The following GRID2 variants were observed in gnomAD, a reference collection of about 807,000 sequenced individuals.
GRID2 encodes the protein glutamate ionotropic receptor delta type subunit 2.
Under a neutral mutation model 114.8 loss-of-function variants are expected in GRID2, and 33 were observed. The observed-to-expected ratio is 0.29, with a 90% CI of 0.22 to 0.38. The LOEUF is 0.38. GRID2 is among the 10% of genes least tolerant of loss of function. The probability of loss-of-function intolerance (pLI) is 1.00; values close to 1 mark genes in which losing one functional copy is unlikely to be tolerated. For missense variants in GRID2, 1,184 were observed against 1,257.7 expected (o/e 0.94, Z 0.89); for synonymous variants, 505 against 449.9 (o/e 1.12, Z -1.55).
rs146890383 is a variant in GRID2, at chr4:92,423,111, G to A, written c.88+118367G>A. Among the ~76,000 whole-genome samples the A allele has an allele frequency of 1.6e-4, 25 of 152,184 alleles. 1 individual carries two copies. The East Asian group carries it at 3.5e-3, about 21-fold the overall frequency. On this transcript the variant is annotated intron_variant, in intron 1 of 15. Transcript: ENST00000282020. ...AGAGAGTAGATTCTAGCGAGCCAAC[G>A]CGAGAAAAATGGAGTCTACATGAAA...
At chr4:93,329,196 A>G (rs1300399827) in intron 8 of GRID2, among the ~76,000 whole-genome samples, 2 of 152,180 alleles carry the variant, frequency 1.3e-5, no homozygotes, top group Non-Finnish European at 2.9e-5. Context: ...GAAAAACTAC[A>G]GAAGAGTCAA....
chr4:92,342,142 A>G (rs1157162223), intron 1 of GRID2, among the ~76,000 whole-genome samples: 1 of 152,242 alleles, frequency 6.6e-6, no homozygotes. Flanking sequence ...ATTTGGGGAG[A>G]CAAAAAATGC....
intron 8 of GRID2, among the ~76,000 whole-genome samples, chr4:93,347,750 A>T (rs1760385101): frequency 6.6e-6 from 1 of 152,126 alleles, no homozygotes. Context: ...GGTACAATAT[A>T]TTTGTGACTT....
intron 14 of GRID2, among the ~76,000 whole-genome samples, chr4:93,702,055 C>G (rs567343613): frequency 2.0e-5 from 3 of 152,096 alleles, no homozygotes; most frequent in African/African-American, 7.2e-5. Context: ...TTATTCTGTG[C>G]CACATTGGTT....
At position 93,632,008 on chromosome 4, in the gene GRID2, A is replaced by T. The variant is rs186988146; in HGVS notation, c.2360+5573A>T. Among the ~76,000 whole-genome samples, 58 of 152,228 alleles carry T rather than the reference A, an allele frequency of 3.8e-4. 1 individual carries two copies. The highest frequency in any genetic ancestry group is 1.2e-3 in the African/African-American group (51 of 41,548). ...TTCATGTCCCTTTTGGCTGCATAAA[A>T]GTCTTCTTTTGAGAAGTGTCTGTTC... On this transcript the variant is annotated intron_variant, in intron 14 of 15. Coordinates refer to ENST00000282020, the MANE Select transcript of GRID2 (RefSeq NM_001510.4).
chr4:92,618,340 G>C (rs977972886), intron 2 of GRID2, among the ~76,000 whole-genome samples: 8 of 151,474 alleles, frequency 5.3e-5, no homozygotes, highest in Non-Finnish European at 1.0e-4. Flanking sequence ...TTAATTTCTG[G>C]GTTCTCTTTT....
At chr4:92,336,066 T>C (rs1333249790) in intron 1 of GRID2, among the ~76,000 whole-genome samples, 1 of 152,218 alleles carries the variant, frequency 6.6e-6, no homozygotes, top group Admixed American at 6.5e-5. Context: ...TTTCATTACA[T>C]ACACACAAAT....
rs1269662976 is a variant in GRID2 at position 92,622,048 on chromosome 4, G to A, written c.244+31762G>A. Among the ~76,000 whole-genome samples the A allele has an allele frequency of 2.0e-5, 3 of 151,868 alleles. No individual in the cohort carries two copies. In the Admixed American group the frequency reaches 2.0e-4, roughly 10 times the overall value. On this transcript the variant is annotated intron_variant, in intron 2 of 15. Coordinates refer to ENST00000282020, the MANE Select transcript of GRID2 (RefSeq NM_001510.4). ...AGAGGAAAATGGAAATTCATGTGGA[G>A]TGGTTATAATAATCTCAGTAATAAT...
intron 4 of GRID2, among the ~76,000 whole-genome samples, chr4:93,165,071 A>T (rs1738118549): frequency 6.6e-6 from 1 of 152,096 alleles, no homozygotes; most frequent in African/African-American, 2.4e-5. Flanking sequence ...TAACTTCCTC[A>T]TAGGATTGTT....
chr4:93,352,651 C>A (rs376992465), intron 8 of GRID2, among the ~76,000 whole-genome samples: 2 of 152,018 alleles, frequency 1.3e-5, no homozygotes, highest in South Asian at 4.1e-4. Context: ...TAAGAAATGA[C>A]AACTAGTTTT....
intron 1 of GRID2, among the ~76,000 whole-genome samples, chr4:92,580,569 T>C (rs1156248614): frequency 6.6e-6 from 1 of 151,822 alleles, no homozygotes; most frequent in Non-Finnish European, 1.5e-5. Flanking sequence ...AATTTTTGTC[T>C]TAAACATAAA....
intron 1 of GRID2, among the ~76,000 whole-genome samples, chr4:92,445,855 A>G (rs1733430266): frequency 6.6e-6 from 1 of 152,178 alleles, no homozygotes; most frequent in Non-Finnish European, 1.5e-5. Context: ...ATTGTTAATC[A>G]TTTCCCATGC....
chr4:92,440,530 G>T (rs1732992756), intron 1 of GRID2, among the ~76,000 whole-genome samples: 1 of 152,002 alleles, frequency 6.6e-6, no homozygotes, highest in Admixed American at 6.6e-5. Flanking sequence ...TGTAGGGAAG[G>T]GAGGGGGCCT....
intron 2 of GRID2, among the ~76,000 whole-genome samples, chr4:92,943,360 G>A (rs1751332012): frequency 1.3e-5 from 2 of 151,936 alleles, no homozygotes; most frequent in African/African-American, 4.8e-5. Flanking sequence ...CTTTCTTCCA[G>A]TTGATCGCGT....
chr4:92,513,398 A>G (rs112885786), intron 1 of GRID2, among the ~76,000 whole-genome samples: 1 of 151,920 alleles, frequency 6.6e-6, no homozygotes, highest in African/African-American at 2.4e-5. Context: ...TTGACAGGAG[A>G]AAGTTTGAGT....
chr4:92,680,057 G>A (rs1038549325), intron 2 of GRID2, among the ~76,000 whole-genome samples: 5 of 152,006 alleles, frequency 3.3e-5, no homozygotes, highest in Admixed American at 6.6e-5. Context: ...TGGCCTGACC[G>A]GTGAGTCCCA....
chr4:92,326,616 C>A (rs17019295), intron 1 of GRID2, among the ~76,000 whole-genome samples: 10,722 of 151,856 alleles, frequency 0.071, 815 homozygotes, highest in African/African-American at 0.19. Context: ...CCTATAAAAA[C>A]CAAATAATCA....
intron 13 of GRID2, among the ~76,000 whole-genome samples, chr4:93,613,951 A>G (rs1741283706): frequency 1.3e-5 from 2 of 151,578 alleles, no homozygotes; most frequent in South Asian, 4.2e-4. Context: ...CTGCTGTGCT[A>G]GCAATCAGCG....
chr4:93,454,557 T>G (rs1170580833), intron 10 of GRID2, among the ~76,000 whole-genome samples: 2 of 152,012 alleles, frequency 1.3e-5, no homozygotes, highest in Non-Finnish European at 2.9e-5. Flanking sequence ...ATGAACTCGG[T>G]ACACACAGAC....
Sources: allele counts gnomAD v4.1 joint callset (sites outside exome capture counted in the v4.1 genomes callset), GRCh38; gene constraint gnomAD v4.1.1; transcripts MANE v1.5; gene names NCBI Gene and HGNC (gene_info 2026-07-23, HGNC 2026-07-21).